PHLPP1: variants seen among roughly 807,000 people sequenced by gnomAD.
PHLPP1 encodes PH domain and leucine rich repeat protein phosphatase 1.
Under a neutral mutation model 117.2 loss-of-function variants are expected in PHLPP1, and 42 were observed. That is an observed-to-expected ratio of 0.36 (90% CI 0.28 to 0.46). PHLPP1 has a LOEUF of 0.46. Ranked by LOEUF, PHLPP1 falls within the 20% of genes least tolerant of loss-of-function variation. PHLPP1 has a pLI of 1.00. For missense variants in PHLPP1, 2,084 were observed against 2,241.9 expected, an observed-to-expected ratio of 0.93 and a Z score of 1.42; for synonymous variants, 1,042 against 970.7, an observed-to-expected ratio of 1.07 and a Z score of -1.37.
chr18:62,894,357 G>A (rs538010153), intron 4 of PHLPP1, among the ~76,000 whole-genome samples: 140 of 151,994 alleles, frequency 9.2e-4, no homozygotes, highest in South Asian at 1.7e-3. Flanking sequence ...CACCAGGCCC[G>A]GCTAATTTTT....
At chr18:62,825,371 T>C (rs965491366) in intron 1 of PHLPP1, 10 of 148,084 alleles carry the variant, frequency 6.8e-5, no homozygotes, top group Admixed American at 5.4e-4. Context: ...TATATAAATA[T>C]ATCAACCAAA....
At chr18:62,838,412 A>G (rs1914965043) in intron 2 of PHLPP1, 1 of 162,040 alleles carries the variant, frequency 6.2e-6, no homozygotes, top group African/African-American at 2.4e-5. Context: ...CTTATTTAAT[A>G]TGCTTGAAGA....
At chr18:62,945,790 A>G (rs1324655759) in intron 12 of PHLPP1, among the ~76,000 whole-genome samples, 3 of 152,226 alleles carry the variant, frequency 2.0e-5, no homozygotes, top group Non-Finnish European at 4.4e-5. Flanking sequence ...AAATTGGCAG[A>G]GCAGATATTA....
At chr18:62,810,078 T>C (rs1236814926) in intron 1 of PHLPP1, among the ~76,000 whole-genome samples, 3 of 152,212 alleles carry the variant, frequency 2.0e-5, no homozygotes. Context: ...GCAAGACTTG[T>C]TTAACTTAGA....
At chr18:62,891,290 TTAAC>T (rs1916401665) in intron 4 of PHLPP1, among the ~76,000 whole-genome samples, 2 of 152,224 alleles carry the variant, frequency 1.3e-5, no homozygotes, top group South Asian at 4.1e-4. Flanking sequence ...AATTATAAAT[TTAAC>T]TAAGAAATAT....
chr18:62,824,635 A>G (rs1914559776), intron 1 of PHLPP1, among the ~76,000 whole-genome samples: 1 of 152,162 alleles, frequency 6.6e-6, no homozygotes, highest in South Asian at 2.1e-4. Context: ...ATACATTAAT[A>G]AATCTGTAAA....
At chr18:62,803,646 G>A (rs377117317) in intron 1 of PHLPP1, among the ~76,000 whole-genome samples, 10 of 152,160 alleles carry the variant, frequency 6.6e-5, no homozygotes, top group South Asian at 4.2e-4. Context: ...AAATAATGCC[G>A]CCATGAACAT....
chr18:62,884,157 A>G (rs1172006399), intron 4 of PHLPP1, among the ~76,000 whole-genome samples: 1 of 152,250 alleles, frequency 6.6e-6, no homozygotes, highest in African/African-American at 2.4e-5. Flanking sequence ...TACTGACTCA[A>G]TAAGATGATT....
intron 4 of PHLPP1, among the ~76,000 whole-genome samples, chr18:62,868,454 C>G (rs1035479159): frequency 6.6e-6 from 1 of 151,792 alleles, no homozygotes; most frequent in Admixed American, 6.6e-5. Flanking sequence ...AAACCCGTCT[C>G]TACTAAAAAT....
chr18:62,761,607 T>G (rs1277513028), intron 1 of PHLPP1, among the ~76,000 whole-genome samples: 1 of 150,086 alleles, frequency 6.7e-6, no homozygotes, highest in African/African-American at 2.5e-5. Context: ...CGCTCCAGCC[T>G]GGGTGACAGA....
chr18:62,761,687 G>A (rs1189497581), intron 1 of PHLPP1, among the ~76,000 whole-genome samples: 1 of 151,594 alleles, frequency 6.6e-6, no homozygotes, highest in Non-Finnish European at 1.5e-5. Context: ...AAGAAATGAT[G>A]GTATTAGTAA....
At chr18:62,868,058 CG>C (rs1915812001) in intron 4 of PHLPP1, among the ~76,000 whole-genome samples, 2 of 152,110 alleles carry the variant, frequency 1.3e-5, no homozygotes, top group South Asian at 4.1e-4. Context: ...GATCCTCCCG[CG>C]TCAGCCTCCC....
At chr18:62,786,682 A>G (rs1210346793) in intron 1 of PHLPP1, among the ~76,000 whole-genome samples, 1 of 152,194 alleles carries the variant, frequency 6.6e-6, no homozygotes, top group African/African-American at 2.4e-5. Flanking sequence ...TTGTATCTAC[A>G]CTTAAAGGCT....
At chr18:62,888,287 A>ATGTGTGTGTGTG (rs200659921) in intron 4 of PHLPP1, among the ~76,000 whole-genome samples, 15 of 130,902 alleles carry the variant, frequency 1.1e-4, no homozygotes, top group East Asian at 4.4e-4. Context: ...ATTTCACAAA[A>ATGTGTGTGTGTG]TGTGTGTGTG....
rs759659127 is a variant in PHLPP1 at position 62,830,235 on chromosome 18, AGTTT to A, written c.1773+21_1773+24del. The A allele has an allele frequency of 3.4e-4, 534 of 1,550,160 alleles. No homozygotes were observed. Among genetic ancestry groups the A allele is most frequent in the Non-Finnish European group, 4.4e-4 (507 of 1,145,710 alleles). ...TCTGCCACTAATTGGTGGAAAAGTA[AGTTT>A]GTTTGTTTGTTTGTTTATTGAGTCA... is the stretch of plus-strand genomic sequence containing the variant. On this transcript the variant is annotated splice_donor_5th_base_variant and intron_variant, in intron 2 of 16. Coordinates refer to ENST00000262719, the MANE Select transcript of PHLPP1 (RefSeq NM_194449.4).
rs958718437 is a variant in PHLPP1 at position 62,958,613 on chromosome 18, C to T, written c.3325-16C>T. On this transcript the variant is annotated splice_polypyrimidine_tract_variant and intron_variant, in intron 12 of 16. Transcript: ENST00000262719. ...CTAGACCATCTCTTTCTTGTTTGCA[C>T]TTGTTCTTTTTTCAGTGTGTGGACC... 4 of 1,613,502 alleles carry T rather than the reference C, an allele frequency of 2.5e-6. No individual in the cohort carries two copies. The highest frequency in any genetic ancestry group is 2.2e-5 in the South Asian group (2 of 91,058).
At chr18:62,719,028 C>T (rs1166382401) in intron 1 of PHLPP1, among the ~76,000 whole-genome samples, 1 of 152,162 alleles carries the variant, frequency 6.6e-6, no homozygotes, top group Non-Finnish European at 1.5e-5. Context: ...CTGGTTAAAT[C>T]TTAAAATGTT....
At chr18:62,917,794 A>G (rs1371658642) in intron 9 of PHLPP1, among the ~76,000 whole-genome samples, 3 of 152,040 alleles carry the variant, frequency 2.0e-5, no homozygotes, top group African/African-American at 4.8e-5. Context: ...AGCCTGGGCA[A>G]CGGAGCTGAG....
intron 1 of PHLPP1, among the ~76,000 whole-genome samples, chr18:62,797,864 A>G (rs558370957): frequency 6.6e-6 from 1 of 152,316 alleles, no homozygotes; most frequent in African/African-American, 2.4e-5. Flanking sequence ...ACCTGAGGAC[A>G]CTATAAGACT....
Sources: allele counts gnomAD v4.1 joint callset (sites outside exome capture counted in the v4.1 genomes callset), GRCh38; gene constraint gnomAD v4.1.1; transcripts MANE v1.5; gene names NCBI Gene and HGNC (gene_info 2026-07-23, HGNC 2026-07-21).